Variants in PDE7B observed in about 807,000 individuals in gnomAD.
PDE7B encodes phosphodiesterase 7B, also known as 3',5'-cyclic-AMP phosphodiesterase 7B.
PDE7B carries 29 observed loss-of-function variants against 56.2 expected under a neutral mutation model. The ratio of observed to expected loss-of-function variants is 0.52; its 90% CI spans 0.38 to 0.70. The LOEUF is 0.70. Ranked by LOEUF, PDE7B falls within the 30% of genes least tolerant of loss-of-function variation. The pLI is 0.00. For synonymous variants in PDE7B, 197 were observed against 196.9 expected, an observed-to-expected ratio of 1.00 and a Z score of 0.00; for missense variants, 490 against 565.0, an observed-to-expected ratio of 0.87 and a Z score of 1.35.
At chr6:136,014,699 G>T (rs1190836854) in intron 2 of PDE7B, among the ~76,000 whole-genome samples, 1 of 152,198 alleles carries the variant, frequency 6.6e-6, no homozygotes, top group African/African-American at 2.4e-5. Flanking sequence ...GGTAGAAACA[G>T]AACTGGGGTT....
intron 2 of PDE7B, among the ~76,000 whole-genome samples, chr6:135,972,546 A>G (rs1014434484): frequency 6.6e-6 from 1 of 152,182 alleles, no homozygotes; most frequent in Non-Finnish European, 1.5e-5. Flanking sequence ...TTATTTGCTA[A>G]TCTACCTCCC....
At chr6:136,169,572 C>A (rs549498749) in intron 8 of PDE7B, among the ~76,000 whole-genome samples, 45 of 152,276 alleles carry the variant, frequency 3.0e-4, no homozygotes, top group Non-Finnish European at 6.2e-4. Flanking sequence ...GATATGGTGT[C>A]ATTTATCATT....
At chr6:135,968,329 C>T (rs1239203652) in intron 2 of PDE7B, among the ~76,000 whole-genome samples, 1 of 151,354 alleles carries the variant, frequency 6.6e-6, no homozygotes, top group Non-Finnish European at 1.5e-5. Context: ...AATGAAAGAG[C>T]TTCTCCACAG....
chr6:135,917,889 G>A (rs1023552803), intron 1 of PDE7B, among the ~76,000 whole-genome samples: 8 of 152,142 alleles, frequency 5.3e-5, no homozygotes, highest in Non-Finnish European at 1.2e-4. Context: ...GCATGCCCAA[G>A]GTGTCGGTGA....
intron 3 of PDE7B, among the ~76,000 whole-genome samples, chr6:136,126,395 G>A (rs1023645554): frequency 2.0e-5 from 3 of 152,176 alleles, no homozygotes; most frequent in African/African-American, 7.2e-5. Context: ...ACAGTGTGGA[G>A]ATTCCTTAAA....
At chr6:135,917,813 C>T (rs868214400) in intron 1 of PDE7B, among the ~76,000 whole-genome samples, 15 of 152,148 alleles carry the variant, frequency 9.9e-5, no homozygotes, top group African/African-American at 3.4e-4. Context: ...ATAAGCTTTG[C>T]CAGGACATAG....
intron 2 of PDE7B, among the ~76,000 whole-genome samples, chr6:136,017,166 T>C (rs1252116340): frequency 6.6e-6 from 1 of 152,096 alleles, no homozygotes; most frequent in Non-Finnish European, 1.5e-5. Flanking sequence ...TAAACAGGAG[T>C]ATATTACACA....
At chr6:136,077,171 C>G (rs908023368) in intron 2 of PDE7B, among the ~76,000 whole-genome samples, 1 of 151,824 alleles carries the variant, frequency 6.6e-6, no homozygotes, top group South Asian at 2.1e-4. Flanking sequence ...AGAGAAGGAC[C>G]AGGAGGACAA....
At chr6:135,951,539 CT>C (rs1186775000) in intron 2 of PDE7B, among the ~76,000 whole-genome samples, 1 of 152,078 alleles carries the variant, frequency 6.6e-6, no homozygotes, top group Non-Finnish European at 1.5e-5. Context: ...ATTTGTGAAC[CT>C]TGCTCTGTGA....
chr6:135,943,924 G>A lies in PDE7B; in HGVS notation c.22-3540G>A, dbSNP rs190185339. ...TGCCAGCAGGATCCCTCTGTTGCTA[G>A]CAGAGATCCAGCCCCTTGGATGAGT... On this transcript the variant is annotated intron_variant, in intron 1 of 12. Transcript: ENST00000308191. Among the ~76,000 whole-genome samples the A allele has an allele frequency of 1.6e-3, 248 of 152,334 alleles. 1 individual carries two copies. Among genetic ancestry groups the A allele is most frequent in the Non-Finnish European group, 3.2e-3 (218 of 68,022 alleles).
chr6:135,867,729 A>G (rs1163115682), intron 1 of PDE7B, among the ~76,000 whole-genome samples: 1 of 152,228 alleles, frequency 6.6e-6, no homozygotes, highest in African/African-American at 2.4e-5. Flanking sequence ...ATTTAAGCCG[A>G]AGGACTAAGT....
chr6:136,038,127 C>G, intron 2 of PDE7B: 1 of 1,309,642 alleles, frequency 7.6e-7, no homozygotes, highest in Admixed American at 2.2e-5. Flanking sequence ...CTTTCCGAAG[C>G]TGGAGAGGAT....
intron 2 of PDE7B, among the ~76,000 whole-genome samples, chr6:136,074,096 C>T (rs1777091984): frequency 6.6e-6 from 1 of 151,990 alleles, no homozygotes; most frequent in Non-Finnish European, 1.5e-5. Context: ...CGGTGGCACA[C>T]ACCTGTAATC....
At position 136,187,107 on chromosome 6, in the gene PDE7B, A is replaced by G. The variant is rs1003281844; in HGVS notation, c.1117A>G (p.Ile373Val). 2.6e-6 allele frequency: 4 copies of G among 1,527,304 alleles called. No homozygotes were observed. The highest frequency in any genetic ancestry group is 1.4e-5 in the African/African-American group (1 of 73,094). The allele number at this position is 1,527,304 out of a possible 1,614,324, so 94.6% of individuals were successfully genotyped here. Reference sequence around the variant, plus strand: ...TCAACAGAAAGATTCCATCCCTAGTATACAAATTGGTGAGTTGAATTCAGT... The same window carrying G: ...TCAACAGAAAGATTCCATCCCTAGTGTACAAATTGGTGAGTTGAATTCAGT... ...CNQQKDSIPS[I>V]QIGFMSYIVE... The change falls in exon 12 of 13, where the codon ATA becomes GTA. Residue 373 changes from isoleucine (I) to valine (V), a missense_variant. By Grantham distance (29) the Ile-to-Val change is conservative. Coordinates refer to ENST00000308191, the MANE Select transcript of PDE7B (RefSeq NM_018945.4).
At chr6:135,981,505 A>G (rs964974346) in intron 2 of PDE7B, among the ~76,000 whole-genome samples, 4 of 151,712 alleles carry the variant, frequency 2.6e-5, no homozygotes, top group African/African-American at 9.7e-5. Context: ...TTATCTAACA[A>G]AAACATCAAA....
rs183366141 is a variant in PDE7B, at chr6:135,861,022, A to G, written c.21+9003A>G. ...CTCTTCCATTCTTTCATGCAGTGTT[A>G]TATCTGAAGACTAGATAGGTTGTTG... On this transcript the variant is annotated intron_variant, in intron 1 of 12. Transcript: ENST00000308191. 3.9e-5 allele frequency among the ~76,000 whole-genome samples: 6 copies of G among 152,058 alleles called. No homozygotes were observed. The East Asian group carries it at 7.7e-4, about 20-fold the overall frequency.
At chr6:135,908,826 A>G (rs1776161661) in intron 1 of PDE7B, among the ~76,000 whole-genome samples, 1 of 152,190 alleles carries the variant, frequency 6.6e-6, no homozygotes, top group African/African-American at 2.4e-5. Context: ...AAAGAAAGAG[A>G]ATAAGATAAA....
At chr6:136,154,416 C>CAA (rs5880284) in intron 7 of PDE7B, among the ~76,000 whole-genome samples, 18 of 124,436 alleles carry the variant, frequency 1.4e-4, no homozygotes, top group Admixed American at 1.6e-4. Context: ...TGTATTTGGA[C>CAA]AAAAAAAAAA....
intron 2 of PDE7B, among the ~76,000 whole-genome samples, chr6:136,008,985 T>A (rs1168078249): frequency 6.6e-6 from 1 of 151,834 alleles, no homozygotes; most frequent in African/African-American, 2.4e-5. Flanking sequence ...ATTTAAGTCT[T>A]TAATCCATCT....
Sources: allele counts gnomAD v4.1 joint callset (sites outside exome capture counted in the v4.1 genomes callset), GRCh38; gene constraint gnomAD v4.1.1; transcripts MANE v1.5; gene names NCBI Gene and HGNC (gene_info 2026-07-23, HGNC 2026-07-21).